The following CLOCK variants were observed in gnomAD, a reference collection of about 807,000 sequenced individuals.
CLOCK encodes the protein circadian locomoter output cycles protein kaput.
Under a neutral mutation model 118.4 loss-of-function variants are expected in CLOCK, and 43 were observed. That is an observed-to-expected ratio of 0.36 (90% CI 0.28 to 0.47). The LOEUF (loss-of-function observed/expected upper bound fraction) is 0.47, where lower values mean the gene tolerates loss of function less well. Ranked by LOEUF, CLOCK falls within the 20% of genes least tolerant of loss-of-function variation. The pLI, the probability that CLOCK is intolerant of heterozygous loss-of-function variation, is 1.00. For missense variants in CLOCK, 846 were observed against 999.9 expected (o/e 0.85, Z 2.08); for synonymous variants, 326 against 339.2 (o/e 0.96, Z 0.43).
chr4:55,522,622 A>T (rs977871537), intron 1 of CLOCK, among the ~76,000 whole-genome samples: 2 of 152,218 alleles, frequency 1.3e-5, no homozygotes, highest in Admixed American at 1.3e-4. Flanking sequence ...CTTAAGGAAC[A>T]GTAAGATTAA....
chr4:55,532,005 C>G (rs976295323), intron 1 of CLOCK, among the ~76,000 whole-genome samples: 1 of 151,640 alleles, frequency 6.6e-6, no homozygotes, highest in Non-Finnish European at 1.5e-5. Flanking sequence ...ACCAGAAATT[C>G]AAGGATGGTT....
chr4:55,457,139 T>C (rs1335719038), intron 11 of CLOCK, among the ~76,000 whole-genome samples: 1 of 152,216 alleles, frequency 6.6e-6, no homozygotes, highest in Non-Finnish European at 1.5e-5. Flanking sequence ...CTCTCCTGAA[T>C]TACAGTTCCA....
intron 2 of CLOCK, among the ~76,000 whole-genome samples, chr4:55,492,664 G>C (rs986753962): frequency 1.5e-4 from 23 of 152,186 alleles, no homozygotes; most frequent in Admixed American, 1.2e-3. Context: ...GGCTAATATG[G>C]TGAAACCCCA....
At chr4:55,527,355 A>T (rs570397305) in intron 1 of CLOCK, among the ~76,000 whole-genome samples, 1 of 152,184 alleles carries the variant, frequency 6.6e-6, no homozygotes, top group African/African-American at 2.4e-5. Context: ...ATACTGTTGT[A>T]TATGTTTAAA....
intron 9 of CLOCK, among the ~76,000 whole-genome samples, chr4:55,460,534 T>C (rs867095276): frequency 6.6e-6 from 1 of 152,212 alleles, no homozygotes. Flanking sequence ...AAACCTAATC[T>C]GTCATGAAGA....
chr4:55,448,997 A>G, intron 17 of CLOCK, 129 bp from the exon 18 acceptor site: 1 of 751,128 alleles, frequency 1.3e-6, no homozygotes. Flanking sequence ...TTAGCTGAAT[A>G]CAGCTATGTC....
At position 55,428,903 on chromosome 4, in the gene CLOCK, C is replaced by T. The variant is rs1722349117; in HGVS notation, c.*6512G>A. On this transcript the variant is annotated 3_prime_UTR_variant, in exon 23 of 23. Transcript: ENST00000513440. Reference sequence around the variant, plus strand: ...AATGCCATACTGAGGCCTTCCCCAACTTAAACCATAGTAAAGATTTCAAAA... The same window carrying T: ...AATGCCATACTGAGGCCTTCCCCAATTTAAACCATAGTAAAGATTTCAAAA... 1.3e-5 allele frequency: 2 copies of T among 150,160 alleles called. No homozygotes were observed. The highest frequency in any genetic ancestry group is 4.2e-4 in the South Asian group (2 of 4,762). 9.3% of individuals were successfully genotyped at this position (150,160 alleles called of 1,614,324 possible).
chr4:55,427,932 C>CTT lies in CLOCK; in HGVS notation c.*7481_*7482dup, dbSNP rs1393002426. 1 of 152,090 alleles carries CTT rather than the reference C, an allele frequency of 6.6e-6. No homozygotes were observed. The highest frequency in any genetic ancestry group is 1.9e-4 in the East Asian group (1 of 5,194). The allele number at this position is 152,090 out of a possible 1,614,324, so 9.4% of individuals were successfully genotyped here. ...TAGTGATCTTAAAATATTTAATAGTCTTTCTTTAAAATCCAAAATGTGATT... is the reference window on the plus strand; with the variant it reads ...TAGTGATCTTAAAATATTTAATAGTCTTTTTCTTTAAAATCCAAAATGTGATT... On this transcript the variant is annotated 3_prime_UTR_variant, in exon 23 of 23. Transcript: ENST00000513440.
intron 1 of CLOCK, among the ~76,000 whole-genome samples, chr4:55,545,186 G>C (rs921138372): frequency 6.6e-6 from 1 of 151,936 alleles, no homozygotes; most frequent in Non-Finnish European, 1.5e-5. Context: ...TTTACATTAG[G>C]TATTTCTCCT....
intron 9 of CLOCK, among the ~76,000 whole-genome samples, chr4:55,460,768 GTTA>G (rs1446949698): frequency 2.0e-5 from 3 of 152,010 alleles, no homozygotes; most frequent in Non-Finnish European, 4.4e-5. Flanking sequence ...ATATTCTTCG[GTTA>G]TTATCATCAT....
chr4:55,477,152 A>T (rs1231753767), intron 6 of CLOCK, among the ~76,000 whole-genome samples: 1 of 152,142 alleles, frequency 6.6e-6, no homozygotes, highest in East Asian at 1.9e-4. Context: ...GATGATACAT[A>T]TATAAAATCC....
chr4:55,463,896 TA>T, intron 8 of CLOCK, 91 bp from the exon 9 acceptor site: 1 of 1,265,444 alleles, frequency 7.9e-7, no homozygotes, highest in South Asian at 1.4e-5. Context: ...ACACAGCAGT[TA>T]ACTTTCAATT....
chr4:55,440,567 A>G (rs767642013), intron 21 of CLOCK, among the ~76,000 whole-genome samples: 7 of 152,180 alleles, frequency 4.6e-5, no homozygotes, highest in Non-Finnish European at 4.4e-5. Flanking sequence ...TTTATACACT[A>G]CACAACCAAA....
Position 55,515,520 on chromosome 4 carries a change from G to A in CLOCK, c.-289-5455C>T, listed in dbSNP as rs188090000. Among the ~76,000 whole-genome samples the A allele has an allele frequency of 3.5e-3, 526 of 152,162 alleles. 2 individuals carry two copies. The highest frequency in any genetic ancestry group is 0.011 in the African/African-American group (474 of 41,524). On this transcript the variant is annotated intron_variant, in intron 1 of 22. Coordinates refer to ENST00000513440, the MANE Select transcript of CLOCK (RefSeq NM_004898.4). ...CTCCCAATTAGCTGGGACTACAGGC[G>A]CCTGACACCATGCCTGGTTAATTTT...
chr4:55,455,001 G>C (rs999396295), intron 13 of CLOCK, among the ~76,000 whole-genome samples: 3 of 152,002 alleles, frequency 2.0e-5, no homozygotes, highest in African/African-American at 7.2e-5. Flanking sequence ...CACATCTTTT[G>C]TGCTGAAATG....
At chr4:55,439,555 G>A (rs996127513) in intron 21 of CLOCK, among the ~76,000 whole-genome samples, 4 of 152,062 alleles carry the variant, frequency 2.6e-5, no homozygotes, top group African/African-American at 7.2e-5. Context: ...AGAGATATTT[G>A]TACACCCATA....
chr4:55,506,812 C>T (rs62305267), intron 2 of CLOCK, among the ~76,000 whole-genome samples: 37,473 of 152,014 alleles, frequency 0.25, 4,946 homozygotes, highest in South Asian at 0.37. Context: ...CCACCCACCT[C>T]GGCCTTCCAA....
chr4:55,486,868 C>T (rs1011648658), intron 3 of CLOCK, among the ~76,000 whole-genome samples: 2 of 152,170 alleles, frequency 1.3e-5, no homozygotes, highest in Admixed American at 6.5e-5. Flanking sequence ...CAGGCTTTTC[C>T]TAACTGGTAA....
intron 1 of CLOCK, among the ~76,000 whole-genome samples, chr4:55,514,438 T>C (rs993936490): frequency 6.6e-6 from 1 of 152,108 alleles, no homozygotes; most frequent in Admixed American, 6.6e-5. Context: ...CAATTCAGTA[T>C]TTTTTAGTGT....
Sources: allele counts gnomAD v4.1 joint callset (sites outside exome capture counted in the v4.1 genomes callset), GRCh38; gene constraint gnomAD v4.1.1; transcripts MANE v1.5; gene names NCBI Gene and HGNC (gene_info 2026-07-23, HGNC 2026-07-21).